Variants in TRUB1 observed in about 807,000 individuals in gnomAD.
TRUB1 encodes the protein pseudouridylate synthase TRUB1.
In TRUB1, 23 loss-of-function variants were observed where a neutral mutation model predicts 33.9. The observed-to-expected ratio is 0.68, with a 90% confidence interval of 0.49 to 0.96. The LOEUF is 0.96. Ranked by LOEUF, TRUB1 falls within the 40% of genes least tolerant of loss-of-function variation. The pLI is 0.00. For missense variants in TRUB1, 378 were observed against 422.2 expected, an observed-to-expected ratio of 0.90 and a Z score of 0.92; for synonymous variants, 163 against 165.4, an observed-to-expected ratio of 0.99 and a Z score of 0.11.
intron 1 of TRUB1, among the ~76,000 whole-genome samples, chr10:114,942,105 T>C (rs1048158055): frequency 6.6e-6 from 1 of 152,032 alleles, no homozygotes; most frequent in African/African-American, 2.4e-5. Context: ...CTTTAATGAA[T>C]TGAAAATTTT....
Position 114,975,143 on chromosome 10 carries a change from G to A in TRUB1, c.814G>A (p.Val272Met), listed in dbSNP as rs760515688. 2 of 1,612,724 alleles carry A rather than the reference G, an allele frequency of 1.2e-6. No individual in the cohort carries two copies. The highest frequency in any genetic ancestry group is 1.3e-5 in the African/African-American group (1 of 74,802). The change falls in exon 8 of 8, where the codon GTG (valine) becomes ATG (methionine). Residue 272 changes from valine (V) to methionine (M), a missense_variant. Physicochemically the swap from Val to Met is conservative, Grantham distance 21. Coordinates refer to ENST00000298746, the MANE Select transcript of TRUB1 (RefSeq NM_139169.5). ...CATAGAACTATCTTCCTGTGCCAAT[G>A]TGCTAGAGCTGACCCGAACCAAACA... Reference protein sequence around the residue: ...IGKELSSCANVLELTRTKQGP... With the variant: ...IGKELSSCANMLELTRTKQGP...
intron 5 of TRUB1, 76 bp from the exon 6 acceptor site, chr10:114,972,056 TATC>T: frequency 6.7e-7 from 1 of 1,502,662 alleles, no homozygotes; most frequent in Non-Finnish European, 9.0e-7. Context: ...AATCTGAAAT[TATC>T]ATCTCCCAAT....
intron 4 of TRUB1, among the ~76,000 whole-genome samples, chr10:114,963,293 G>A (rs2084291952): frequency 6.6e-6 from 1 of 152,188 alleles, no homozygotes; most frequent in Non-Finnish European, 1.5e-5. Flanking sequence ...TCTCCTCTTG[G>A]ACTGTATATG....
intron 4 of TRUB1, among the ~76,000 whole-genome samples, chr10:114,964,311 A>G (rs2084297206): frequency 6.8e-6 from 1 of 147,554 alleles, no homozygotes. Context: ...TCTCTTACCC[A>G]TTTTTTGTTT....
chr10:114,949,694 A>T (rs902933199), intron 2 of TRUB1, among the ~76,000 whole-genome samples: 7 of 152,064 alleles, frequency 4.6e-5, no homozygotes, highest in Non-Finnish European at 1.0e-4. Context: ...GTTTGCAGGG[A>T]TGTAGGCTGG....
chr10:114,952,331 C>T (rs2084239551), intron 3 of TRUB1, among the ~76,000 whole-genome samples: 1 of 152,174 alleles, frequency 6.6e-6, no homozygotes, highest in Non-Finnish European at 1.5e-5. Context: ...ATACCAGCTA[C>T]TCGGTAGACT....
intron 4 of TRUB1, among the ~76,000 whole-genome samples, chr10:114,965,475 G>A (rs773130647): frequency 6.6e-5 from 10 of 152,020 alleles, no homozygotes; most frequent in Non-Finnish European, 1.3e-4. Context: ...CTAATATTTA[G>A]TTTAGGATTT....
intron 3 of TRUB1, among the ~76,000 whole-genome samples, chr10:114,957,498 A>AT (rs1327123617): frequency 1.3e-5 from 2 of 152,190 alleles, no homozygotes; most frequent in Non-Finnish European, 2.9e-5. Context: ...GAATTTGTGG[A>AT]TTTGATATAT....
At chr10:114,942,542 T>C (rs2143020171) in intron 1 of TRUB1, 103 bp from the exon 2 acceptor site, 3 of 715,124 alleles carry the variant, frequency 4.2e-6, no homozygotes, top group East Asian at 2.6e-5. Flanking sequence ...ATAATACTTT[T>C]TGTTTGTTTT....
chr10:114,945,988 G>A (rs746928704), intron 2 of TRUB1, among the ~76,000 whole-genome samples: 7 of 152,182 alleles, frequency 4.6e-5, no homozygotes, highest in Admixed American at 2.0e-4. Context: ...GATTTCCGAG[G>A]AGAGAGAAAG....
At chr10:114,945,617 G>T (rs570904599) in intron 2 of TRUB1, among the ~76,000 whole-genome samples, 66 of 152,214 alleles carry the variant, frequency 4.3e-4, no homozygotes, top group Non-Finnish European at 7.8e-4. Flanking sequence ...GCCTAGGGCA[G>T]CTTTGAATGC....
chr10:114,942,494 A>T, intron 1 of TRUB1, 151 bp from the exon 2 acceptor site: 1 of 497,900 alleles, frequency 2.0e-6, no homozygotes, highest in Non-Finnish European at 3.6e-6. Flanking sequence ...TTTCTTTGCT[A>T]GTAATGAGGT....
At chr10:114,941,886 A>G (rs1174301365) in intron 1 of TRUB1, among the ~76,000 whole-genome samples, 1 of 151,728 alleles carries the variant, frequency 6.6e-6, no homozygotes, top group Non-Finnish European at 1.5e-5. Flanking sequence ...CCAGGTTCAC[A>G]CCATTCTCCT....
At chr10:114,962,819 G>A (rs1459778634) in intron 4 of TRUB1, among the ~76,000 whole-genome samples, 1 of 152,092 alleles carries the variant, frequency 6.6e-6, no homozygotes, top group Non-Finnish European at 1.5e-5. Flanking sequence ...TGTGGTATAC[G>A]GCATACAGAA....
intron 3 of TRUB1, 51 bp from the exon 4 acceptor site, chr10:114,959,675 A>C (rs1477618505): frequency 2.6e-6 from 3 of 1,162,360 alleles, no homozygotes; most frequent in Non-Finnish European, 3.9e-6. Flanking sequence ...CATGCATAAC[A>C]GTTTTTGTTT....
chr10:114,968,169 G>A (rs974062873), intron 4 of TRUB1, among the ~76,000 whole-genome samples: 19 of 152,282 alleles, frequency 1.2e-4, no homozygotes, highest in Admixed American at 5.2e-4. Flanking sequence ...ATTAATTACA[G>A]AGTGAACAGC....
intron 1 of TRUB1, among the ~76,000 whole-genome samples, chr10:114,939,087 A>G (rs772913331): frequency 7.6e-4 from 116 of 152,324 alleles, no homozygotes; most frequent in African/African-American, 1.4e-3. Context: ...GGAAACTGCA[A>G]TTCTAAATAG....
intron 2 of TRUB1, among the ~76,000 whole-genome samples, chr10:114,949,282 T>C (rs2084223928): frequency 6.6e-6 from 1 of 152,212 alleles, no homozygotes; most frequent in South Asian, 2.1e-4. Context: ...TGATTGGAGA[T>C]TTATTTGAAT....
At chr10:114,964,598 T>C (rs1392475781) in intron 4 of TRUB1, among the ~76,000 whole-genome samples, 2 of 152,106 alleles carry the variant, frequency 1.3e-5, no homozygotes, top group Admixed American at 6.5e-5. Context: ...TTAAGAAAAC[T>C]TTTTTGACTC....
Sources: gnomAD v4.1 joint callset for allele counts (sites outside exome capture counted in the v4.1 genomes callset) on GRCh38, gnomAD v4.1.1 for gene constraint, MANE v1.5 for transcripts, NCBI Gene and HGNC (gene_info 2026-07-23, HGNC 2026-07-21) for gene names.